The following ANXA4 variants were observed in gnomAD, a reference collection of about 807,000 sequenced individuals.
The protein encoded by ANXA4 is 35-beta calcimedin.
A neutral mutation model predicts 49.8 loss-of-function variants in ANXA4; 39 were observed. The observed-to-expected ratio is 0.78, with a 90% CI of 0.61 to 1.02. ANXA4 has a LOEUF of 1.02. ANXA4 is among the 50% of genes least tolerant of loss of function. ANXA4 has a pLI of 0.00. For missense variants in ANXA4, 360 were observed against 410.1 expected, an observed-to-expected ratio of 0.88 and a Z score of 1.05; for synonymous variants, 134 against 152.5, an observed-to-expected ratio of 0.88 and a Z score of 0.89.
At chr2:69,814,455 C>T (rs1673867318) in intron 8 of ANXA4, among the ~76,000 whole-genome samples, 1 of 150,182 alleles carries the variant, frequency 6.7e-6, no homozygotes, top group African/African-American at 2.5e-5. Flanking sequence ...AAGTGATCCT[C>T]CCACCTCAGC....
intron 3 of ANXA4, among the ~76,000 whole-genome samples, chr2:69,792,691 T>G (rs943962810): frequency 2.0e-5 from 3 of 152,254 alleles, no homozygotes; most frequent in African/African-American, 7.2e-5. Context: ...CATGCCCTCT[T>G]ATAATCTTTA....
At chr2:69,775,222 G>C (rs1347126191) in intron 1 of ANXA4, among the ~76,000 whole-genome samples, 3 of 152,174 alleles carry the variant, frequency 2.0e-5, no homozygotes, top group Non-Finnish European at 4.4e-5. Context: ...GCCATTGGTG[G>C]GTGGCTTTGC....
chr2:69,774,629 C>T (rs192468556), intron 1 of ANXA4, among the ~76,000 whole-genome samples: 242 of 150,524 alleles, frequency 1.6e-3, no homozygotes, highest in African/African-American at 5.5e-3. Context: ...CGTGAGCCAC[C>T]GCGTCCAGCC....
At chr2:69,753,372 C>G (rs1004383984) in intron 1 of ANXA4, among the ~76,000 whole-genome samples, 1 of 152,182 alleles carries the variant, frequency 6.6e-6, no homozygotes, top group Non-Finnish European at 1.5e-5. Flanking sequence ...AATGAAGTCT[C>G]TGGGGCCCAC....
At chr2:69,753,230 G>C (rs1670921240) in intron 1 of ANXA4, among the ~76,000 whole-genome samples, 1 of 152,124 alleles carries the variant, frequency 6.6e-6, no homozygotes, top group African/African-American at 2.4e-5. Context: ...TTTTAAGTAA[G>C]GACTATGAGT....
chr2:69,795,891 G>A (rs1359948920), intron 3 of ANXA4, among the ~76,000 whole-genome samples: 1 of 152,208 alleles, frequency 6.6e-6, no homozygotes, highest in African/African-American at 2.4e-5. Flanking sequence ...TTGGGTTAGA[G>A]TCTTTCCTGA....
At chr2:69,698,844 G>C (rs936999935) in intron 2 of ANXA4, among the ~76,000 whole-genome samples, 1 of 152,048 alleles carries the variant, frequency 6.6e-6, no homozygotes, top group African/African-American at 2.4e-5. Context: ...AGAGGGTGGT[G>C]GTTTTGAGTT....
chr2:69,823,323 A>C (rs1674326017), intron 12 of ANXA4, among the ~76,000 whole-genome samples: 1 of 151,538 alleles, frequency 6.6e-6, no homozygotes, highest in African/African-American at 2.4e-5. Context: ...TCATTCAATA[A>C]TAGTTGTCAA....
chr2:69,766,009 G>T (rs1449159439), intron 1 of ANXA4, among the ~76,000 whole-genome samples: 1 of 152,240 alleles, frequency 6.6e-6, no homozygotes, highest in Non-Finnish European at 1.5e-5. Flanking sequence ...CAGGAAAGTA[G>T]AGGCCCAGGA....
chr2:69,659,283 T>C (rs1430734997), intron 2 of ANXA4, among the ~76,000 whole-genome samples: 2 of 152,230 alleles, frequency 1.3e-5, no homozygotes, highest in Non-Finnish European at 2.9e-5. Flanking sequence ...TCTAGTGTAA[T>C]TGGCTTCTCC....
intron 1 of ANXA4, among the ~76,000 whole-genome samples, chr2:69,645,415 C>CT (rs1342952730): frequency 6.6e-6 from 1 of 152,222 alleles, no homozygotes; most frequent in Admixed American, 6.5e-5. Context: ...AGATTTTTGT[C>CT]TGAGGAAGTT....
chr2:69,706,721 T>A (rs1678511436), intron 2 of ANXA4, among the ~76,000 whole-genome samples: 1 of 152,228 alleles, frequency 6.6e-6, no homozygotes, highest in Non-Finnish European at 1.5e-5. Flanking sequence ...ATTCTGGACA[T>A]TTCATAGAAA....
chr2:69,732,117 A>ACT (rs1380191680), intron 3 of ANXA4, among the ~76,000 whole-genome samples: 69 of 151,162 alleles, frequency 4.6e-4, no homozygotes, highest in African/African-American at 1.7e-3. Context: ...AGCTGGGACT[A>ACT]CAGGCGCCCG....
chr2:69,671,617 G>T (rs1274616157), intron 2 of ANXA4, among the ~76,000 whole-genome samples: 1 of 152,184 alleles, frequency 6.6e-6, no homozygotes, highest in Non-Finnish European at 1.5e-5. Context: ...CAGCTACTCG[G>T]GGGGCTGAAA....
intron 5 of ANXA4, among the ~76,000 whole-genome samples, chr2:69,807,370 T>TA (rs1410521710): frequency 6.6e-6 from 1 of 152,220 alleles, no homozygotes; most frequent in Non-Finnish European, 1.5e-5. Flanking sequence ...CACTGTGCCC[T>TA]AGCCTGGTCT....
rs1180084469 is a variant in ANXA4 at position 69,826,257 on chromosome 2, A to G, written c.*742A>G. The G allele has an allele frequency of 1.3e-5, 2 of 152,176 alleles. No homozygotes were observed. The highest frequency in any genetic ancestry group is 6.6e-5 in the Admixed American group (1 of 15,216). 9.4% of individuals were successfully genotyped at this position (152,176 alleles called of 1,614,324 possible). Reference sequence around the variant, plus strand: ...CTTAATCCAGCTTGCAAGTGAATGGAAAAAAAAATAAGCTTCAAACTAGGT... The same window carrying G: ...CTTAATCCAGCTTGCAAGTGAATGGGAAAAAAAATAAGCTTCAAACTAGGT... On this transcript the variant is annotated 3_prime_UTR_variant, in exon 13 of 13. Transcript: ENST00000394295.
intron 2 of ANXA4, among the ~76,000 whole-genome samples, chr2:69,709,868 T>C (rs1678620668): frequency 6.6e-6 from 1 of 152,170 alleles, no homozygotes; most frequent in Non-Finnish European, 1.5e-5. Flanking sequence ...TCCCCCTTTT[T>C]AACTAAAGCA....
intron 1 of ANXA4, among the ~76,000 whole-genome samples, chr2:69,744,853 G>A (rs1024894744): frequency 2.0e-5 from 3 of 152,160 alleles, no homozygotes; most frequent in African/African-American, 4.8e-5. Context: ...TTGTGGCTTC[G>A]TAGATTGTTA....
intron 2 of ANXA4, among the ~76,000 whole-genome samples, chr2:69,711,123 A>G (rs1678665605): frequency 6.6e-6 from 1 of 152,208 alleles, no homozygotes; most frequent in Non-Finnish European, 1.5e-5. Flanking sequence ...TGAGATCAGG[A>G]GTTTGAGACA....
Sources: allele counts gnomAD v4.1 joint callset (sites outside exome capture counted in the v4.1 genomes callset), GRCh38; gene constraint gnomAD v4.1.1; transcripts MANE v1.5; gene names NCBI Gene and HGNC (gene_info 2026-07-23, HGNC 2026-07-21).